RERE: variants seen among roughly 807,000 people sequenced by gnomAD.
The protein encoded by RERE is arginine-glutamic acid dipeptide repeats protein.
Under a neutral mutation model 146.1 loss-of-function variants are expected in RERE, and 40 were observed. The ratio of observed to expected loss-of-function variants is 0.27; its 90% CI spans 0.21 to 0.36. The LOEUF (loss-of-function observed/expected upper bound fraction) is 0.36. Ranked by LOEUF, RERE falls within the 10% of genes least tolerant of loss-of-function variation. The pLI, the probability that RERE is intolerant of heterozygous loss-of-function variation, is 1.00. For synonymous variants in RERE, 1,003 were observed against 866.0 expected (o/e 1.16, Z -2.78); for missense variants, 1,933 against 2,138.7 (o/e 0.90, Z 1.90).
chr1:8,817,489 G>A lies in RERE; in HGVS notation c.-474C>T, dbSNP rs1464517610. On this transcript the variant is annotated 5_prime_UTR_variant, in exon 1 of 23. Transcript: ENST00000400908. ...TTTTTTTTTTTTTAATCCTCAACTA[G>A]GAGAGAAAATGAGGCAGAGACAATG... 6.7e-6 allele frequency: 1 copy of A among 148,804 alleles called. No individual in the cohort carries two copies. The highest frequency in any genetic ancestry group is 2.5e-5 in the African/African-American group (1 of 40,276). The allele number at this position is 148,804 out of a possible 1,614,324, so 9.2% of individuals were successfully genotyped here.
intron 1 of RERE, among the ~76,000 whole-genome samples, chr1:8,747,055 AGGCTGGAGCGAT>A (rs2124511076): frequency 6.6e-6 from 1 of 151,948 alleles, no homozygotes; most frequent in South Asian, 2.1e-4. Context: ...TCTGTCGCCC[AGGCTGGAGCGAT>A]CTTGGCTCAC....
intron 1 of RERE, chr1:8,750,319 T>C (rs778632554): frequency 2.1e-5 from 12 of 582,064 alleles, no homozygotes; most frequent in Non-Finnish European, 3.4e-5. Context: ...GGGCTAAGAC[T>C]TGGGTGGTAA....
chr1:8,540,903 T>G (rs1645792638), intron 7 of RERE, among the ~76,000 whole-genome samples: 1 of 152,190 alleles, frequency 6.6e-6, no homozygotes, highest in African/African-American at 2.4e-5. Flanking sequence ...ATCTACCAAT[T>G]CTTAATACTT....
chr1:8,355,127 A>C lies in RERE; in HGVS notation c.4668-7T>G. On this transcript the variant is annotated splice_region_variant and splice_polypyrimidine_tract_variant and intron_variant, in intron 22 of 22. Transcript: ENST00000400908. ...ACCTTCTTTCTTCAGTCGACTGGAA[A>C]GACAAAACAGGAAAGCGTATTTAGT... 1 of 1,613,948 alleles carries C rather than the reference A, an allele frequency of 6.2e-7. No individual in the cohort carries two copies. Among genetic ancestry groups the C allele is most frequent in the Non-Finnish European group, 8.5e-7 (1 of 1,179,904 alleles).
At chr1:8,781,720 T>G (rs1397881654) in intron 1 of RERE, among the ~76,000 whole-genome samples, 1 of 150,798 alleles carries the variant, frequency 6.6e-6, no homozygotes, top group Non-Finnish European at 1.5e-5. Context: ...TAGCATAAAA[T>G]AGATTTCCAA....
At chr1:8,710,354 G>A (rs1187258426) in intron 1 of RERE, among the ~76,000 whole-genome samples, 1 of 152,116 alleles carries the variant, frequency 6.6e-6, no homozygotes, top group Non-Finnish European at 1.5e-5. Context: ...AATAACATCA[G>A]ATTATAAAAA....
At chr1:8,636,954 A>G (rs897986758) in intron 2 of RERE, among the ~76,000 whole-genome samples, 2 of 152,140 alleles carry the variant, frequency 1.3e-5, no homozygotes, top group Non-Finnish European at 2.9e-5. Flanking sequence ...CTTTACTCAA[A>G]TATTTTTATA....
chr1:8,389,747 C>T (rs948173818), intron 12 of RERE, among the ~76,000 whole-genome samples: 5 of 152,186 alleles, frequency 3.3e-5, no homozygotes, highest in African/African-American at 9.7e-5. Flanking sequence ...AAATGAAGCC[C>T]CAACTGTAGT....
intron 7 of RERE, chr1:8,526,054 T>C (rs1645566400): frequency 8.3e-7 from 1 of 1,205,286 alleles, no homozygotes; most frequent in Non-Finnish European, 1.0e-6. Flanking sequence ...CCCTGCTGTT[T>C]CCGTAAATAA....
At chr1:8,762,958 T>A (rs1212292331) in intron 1 of RERE, among the ~76,000 whole-genome samples, 5 of 151,932 alleles carry the variant, frequency 3.3e-5, no homozygotes, top group South Asian at 2.1e-4. Flanking sequence ...GAAAAAAAAA[T>A]TATCACAGTC....
intron 4 of RERE, among the ~76,000 whole-genome samples, chr1:8,588,016 T>G (rs148904124): frequency 3.9e-4 from 59 of 152,268 alleles, no homozygotes; most frequent in Non-Finnish European, 8.1e-4. Flanking sequence ...TATTCTTACA[T>G]TCAACAAACA....
At chr1:8,457,282 TC>T (rs1644463231) in intron 11 of RERE, among the ~76,000 whole-genome samples, 1 of 152,176 alleles carries the variant, frequency 6.6e-6, no homozygotes, top group African/African-American at 2.4e-5. Flanking sequence ...GAGGCCAATA[TC>T]AGGCACTGTC....
At chr1:8,409,833 C>A (rs1643562670) in intron 12 of RERE, among the ~76,000 whole-genome samples, 1 of 152,164 alleles carries the variant, frequency 6.6e-6, no homozygotes, top group Admixed American at 6.6e-5. Flanking sequence ...AATGGTCCCT[C>A]TCCCAGGAGC....
At chr1:8,726,254 A>G (rs1184972638) in intron 1 of RERE, among the ~76,000 whole-genome samples, 1 of 147,788 alleles carries the variant, frequency 6.8e-6, no homozygotes, top group Non-Finnish European at 1.5e-5. Flanking sequence ...TCCCGAGTTC[A>G]AGCAGTTCTG....
chr1:8,520,752 TTTA>T (rs1362643916), intron 7 of RERE, among the ~76,000 whole-genome samples: 10 of 14,764 alleles, frequency 6.8e-4, no homozygotes, highest in Non-Finnish European at 1.5e-3. Context: ...CAAAAAACTT[TTTA>T]AAAAAAAAAA....
intron 4 of RERE, among the ~76,000 whole-genome samples, chr1:8,587,900 T>TCC (rs987659341): frequency 6.6e-6 from 1 of 152,170 alleles, no homozygotes; most frequent in Non-Finnish European, 1.5e-5. Context: ...CTCTCACACT[T>TCC]CCCCAAGCTC....
At chr1:8,422,473 A>G (rs1643923835) in intron 12 of RERE, among the ~76,000 whole-genome samples, 1 of 152,200 alleles carries the variant, frequency 6.6e-6, no homozygotes, top group Non-Finnish European at 1.5e-5. Flanking sequence ...CTGTTCCCAA[A>G]GACCTTTCTG....
Position 8,361,434 on chromosome 1 carries a change from G to A in RERE, c.2073C>T (p.Arg691=). The A allele has an allele frequency of 6.2e-7, 1 of 1,613,782 alleles. No individual in the cohort carries two copies. The highest frequency in any genetic ancestry group is 8.5e-7 in the Non-Finnish European group (1 of 1,179,958). Residue 691 remains arginine (R), a synonymous_variant, in exon 18 of 23, where the codon CGC becomes CGT. Coordinates refer to ENST00000400908, the MANE Select transcript of RERE (RefSeq NM_001042681.2). ...SEGEGESSDS[R]SVNDEGSSDP... is the part of the protein sequence containing the mutation. The stretch of plus-strand genomic sequence containing the variant: ...CACTGCTACCCTCATCGTTGACGCT[G>A]CGACTGTCTGAACTCTCTCCCTCAC...
intron 12 of RERE, among the ~76,000 whole-genome samples, chr1:8,367,814 T>C (rs576371979): frequency 6.6e-6 from 1 of 152,356 alleles, no homozygotes; most frequent in East Asian, 1.9e-4. Flanking sequence ...GTGAACCTCC[T>C]AGCTCTTTTC....
Sources: gnomAD v4.1 joint callset for allele counts (sites outside exome capture counted in the v4.1 genomes callset) on GRCh38, gnomAD v4.1.1 for gene constraint, MANE v1.5 for transcripts, NCBI Gene and HGNC (gene_info 2026-07-23, HGNC 2026-07-21) for gene names.